Variants in NCALD observed in about 807,000 individuals in gnomAD.
NCALD encodes neurocalcin-delta.
A neutral mutation model predicts 18.6 loss-of-function variants in NCALD; 10 were observed. The observed-to-expected ratio is 0.54, with a 90% CI of 0.33 to 0.91. The LOEUF (loss-of-function observed/expected upper bound fraction) is 0.91. Ranked by LOEUF, NCALD falls within the 40% of genes least tolerant of loss-of-function variation. NCALD has a pLI of 0.03. For missense variants in NCALD, 184 were observed against 247.6 expected (o/e 0.74, Z 1.72); for synonymous variants, 88 against 87.4 (o/e 1.01, Z -0.04).
chr8:101,690,930 A>T, intron 3 of NCALD: 1 of 985,436 alleles, frequency 1.0e-6, no homozygotes, highest in Non-Finnish European at 1.2e-6. Flanking sequence ...GGAGCTCGGC[A>T]TGACGTCTGG....
chr8:101,866,188 C>A (rs948631438), intron 4 of NCALD, among the ~76,000 whole-genome samples: 7 of 152,228 alleles, frequency 4.6e-5, no homozygotes, highest in African/African-American at 1.7e-4. Context: ...CTCCCAGCAT[C>A]ATTTGACACA....
At chr8:102,105,846 A>C (rs976235056) in intron 1 of NCALD, among the ~76,000 whole-genome samples, 1 of 152,122 alleles carries the variant, frequency 6.6e-6, no homozygotes, top group African/African-American at 2.4e-5. Context: ...GCCTTAGAGA[A>C]CATCCTCTAT....
intron 1 of NCALD, among the ~76,000 whole-genome samples, chr8:102,099,087 AAGAC>A (rs1347594878): frequency 5.9e-5 from 9 of 152,236 alleles, no homozygotes; most frequent in African/African-American, 2.2e-4. Context: ...AAGTGTGAGA[AAGAC>A]AGGTTCCTAA....
chr8:102,025,838 CT>C (rs1427616189), intron 1 of NCALD, among the ~76,000 whole-genome samples: 3 of 152,110 alleles, frequency 2.0e-5, no homozygotes, highest in Non-Finnish European at 4.4e-5. Flanking sequence ...TCTGACACTG[CT>C]ATAAGGACAT....
At chr8:101,778,656 T>G (rs745387437) in intron 1 of NCALD, among the ~76,000 whole-genome samples, 3 of 151,560 alleles carry the variant, frequency 2.0e-5, no homozygotes, top group African/African-American at 2.4e-5. Flanking sequence ...TGAATGCACA[T>G]AAAAGGGAAG....
At chr8:101,985,269 G>C (rs574730262) in intron 2 of NCALD, among the ~76,000 whole-genome samples, 2 of 152,070 alleles carry the variant, frequency 1.3e-5, no homozygotes, top group Non-Finnish European at 2.9e-5. Flanking sequence ...TGAGTGAGCC[G>C]TCTTGAAGGT....
intron 1 of NCALD, among the ~76,000 whole-genome samples, chr8:102,082,379 G>A (rs1027203543): frequency 6.6e-6 from 1 of 151,766 alleles, no homozygotes; most frequent in African/African-American, 2.4e-5. Context: ...GACTACAGGT[G>A]CCAGCCAAAA....
chr8:101,958,230 T>A (rs1188557131), intron 2 of NCALD, among the ~76,000 whole-genome samples: 1 of 152,170 alleles, frequency 6.6e-6, no homozygotes, highest in Non-Finnish European at 1.5e-5. Flanking sequence ...TGTGGGCACT[T>A]GTAATCGACA....
intron 1 of NCALD, among the ~76,000 whole-genome samples, chr8:102,062,461 G>A (rs498666): frequency 0.77 from 117,615 of 152,194 alleles, 45,715 homozygotes; most frequent in Middle Eastern, 0.81. Context: ...GTTCACTATT[G>A]TAGCCTCAGC....
chr8:102,075,888 G>A (rs1424242995), intron 1 of NCALD, among the ~76,000 whole-genome samples: 2 of 151,718 alleles, frequency 1.3e-5, no homozygotes, highest in East Asian at 3.9e-4. Flanking sequence ...GGAGGCAGAG[G>A]TTGCAGTAAG....
At chr8:101,904,369 G>C (rs753944682) in intron 3 of NCALD, among the ~76,000 whole-genome samples, 1 of 151,838 alleles carries the variant, frequency 6.6e-6, no homozygotes, top group Admixed American at 6.6e-5. Flanking sequence ...AGAAATAAAA[G>C]GTCTTCCTTC....
At chr8:101,990,050 C>A (rs1014465853) in intron 2 of NCALD, among the ~76,000 whole-genome samples, 4 of 152,162 alleles carry the variant, frequency 2.6e-5, no homozygotes, top group Non-Finnish European at 5.9e-5. Flanking sequence ...GCCACATCCC[C>A]TGGTAGAATT....
intron 1 of NCALD, among the ~76,000 whole-genome samples, chr8:102,036,648 A>G (rs7837378): frequency 0.21 from 32,057 of 151,848 alleles, 3,538 homozygotes; most frequent in African/African-American, 0.26. Context: ...GGTGGTGCAT[A>G]CCTGTAATCC....
chr8:101,772,252 A>C (rs1586461979), intron 1 of NCALD, among the ~76,000 whole-genome samples: 1 of 152,206 alleles, frequency 6.6e-6, no homozygotes, highest in African/African-American at 2.4e-5. Flanking sequence ...AAGTCTTCCA[A>C]TTAAGAAACA....
chr8:102,054,069 C>A (rs1339430785), intron 1 of NCALD, among the ~76,000 whole-genome samples: 1 of 152,096 alleles, frequency 6.6e-6, no homozygotes, highest in Non-Finnish European at 1.5e-5. Context: ...TCATGGCATC[C>A]CATACAGGTA....
At chr8:101,911,488 C>A (rs1383325791) in intron 3 of NCALD, among the ~76,000 whole-genome samples, 3 of 151,390 alleles carry the variant, frequency 2.0e-5, no homozygotes. Context: ...CTCCCTAGTA[C>A]CTGAGACTGC....
intron 4 of NCALD, among the ~76,000 whole-genome samples, chr8:101,872,976 T>C (rs1236582020): frequency 6.6e-6 from 1 of 152,220 alleles, no homozygotes; most frequent in Non-Finnish European, 1.5e-5. Context: ...GCAAAGTCTC[T>C]TACCTTCCAC....
intron 4 of NCALD, among the ~76,000 whole-genome samples, chr8:101,884,330 G>T (rs1563856488): frequency 6.6e-6 from 1 of 152,084 alleles, no homozygotes; most frequent in Non-Finnish European, 1.5e-5. Flanking sequence ...GTGATTATTT[G>T]ATTAACTTCA....
intron 4 of NCALD, among the ~76,000 whole-genome samples, chr8:101,824,882 C>A (rs541070879): frequency 3.9e-5 from 6 of 152,304 alleles, no homozygotes; most frequent in Admixed American, 1.3e-4. Context: ...AACTAACAAC[C>A]AACCACACAC....
Sources: allele counts gnomAD v4.1 joint callset (sites outside exome capture counted in the v4.1 genomes callset), GRCh38; gene constraint gnomAD v4.1.1; transcripts MANE v1.5; gene names NCBI Gene and HGNC (gene_info 2026-07-23, HGNC 2026-07-21).